The following SVEP1 variants were observed in gnomAD, a reference collection of about 807,000 sequenced individuals.
SVEP1 encodes the protein sushi, von Willebrand factor type A, EGF and pentraxin domain-containing protein 1.
A neutral mutation model predicts 367.3 loss-of-function variants in SVEP1; 164 were observed. The observed-to-expected ratio is 0.45, with a 90% confidence interval of 0.39 to 0.51. SVEP1 has a LOEUF of 0.51. Among genes scored for constraint, SVEP1 ranks in the 20% least tolerant of loss-of-function variants. SVEP1 has a pLI of 0.00. For missense variants in SVEP1, 4,117 were observed against 4,425.3 expected, an observed-to-expected ratio of 0.93 and a Z score of 1.98; for synonymous variants, 1,666 against 1,611.6, an observed-to-expected ratio of 1.03 and a Z score of -0.81.
intron 5 of SVEP1, among the ~76,000 whole-genome samples, chr9:110,508,292 ATT>A (rs34094977): frequency 8.0e-5 from 12 of 149,648 alleles, no homozygotes; most frequent in Non-Finnish European, 1.2e-4. Context: ...GACTAATCAG[ATT>A]TTTTTTTTTC....
chr9:110,542,973 AAT>A (rs1165167902), intron 3 of SVEP1, among the ~76,000 whole-genome samples: 9 of 147,260 alleles, frequency 6.1e-5, no homozygotes, highest in South Asian at 2.1e-4. Context: ...ATTAAAAAAA[AAT>A]ATATATATAT....
At chr9:110,404,187 C>T (rs1324907401) in intron 39 of SVEP1, 140 bp downstream of exon 39, 5 of 783,452 alleles carry the variant, frequency 6.4e-6, no homozygotes, top group Middle Eastern at 4.0e-4. Context: ...TATTTTCTAC[C>T]AAGAAACTTT....
At chr9:110,459,225 C>G in intron 18 of SVEP1, 112 bp from the exon 19 acceptor site, 4 of 994,194 alleles carry the variant, frequency 4.0e-6, no homozygotes, top group Non-Finnish European at 5.8e-6. Context: ...TATATAATCT[C>G]TTCCATATAT....
At chr9:110,372,019 G>GTGA (rs1341703519) in intron 46 of SVEP1, among the ~76,000 whole-genome samples, 2 of 152,162 alleles carry the variant, frequency 1.3e-5, no homozygotes, top group Non-Finnish European at 2.9e-5. Flanking sequence ...CACTTCGCAT[G>GTGA]TGATGTGTTT....
rs1022600263 is a variant in SVEP1, at chr9:110,546,357, A to G, written c.788-66T>C. 2.0e-6 allele frequency: 3 copies of G among 1,492,578 alleles called. No individual in the cohort carries two copies. The Admixed American group carries it at 6.4e-5, about 32-fold the overall frequency. The allele number at this position is 1,492,578 out of a possible 1,614,324, so 92.5% of individuals were successfully genotyped here. On this transcript the variant is annotated intron_variant, in intron 2 of 47. Coordinates refer to ENST00000374469, the MANE Select transcript of SVEP1 (RefSeq NM_153366.4). ...CAGTTCAATGTTACATTCTCTGGTC[A>G]TTAAAATTTAAGTGCAAGCTGGAGA... is the stretch of plus-strand genomic sequence containing the variant.
chr9:110,522,487 G>A (rs1426032647), intron 3 of SVEP1, among the ~76,000 whole-genome samples: 2 of 152,122 alleles, frequency 1.3e-5, no homozygotes, highest in African/African-American at 4.8e-5. Flanking sequence ...TCAGCAAAGA[G>A]GCACTCAAGG....
At position 110,550,033 on chromosome 9, in the gene SVEP1, C is replaced by T; in HGVS notation, c.603G>A (p.Gly201=). The change falls in exon 2 of 48, where the codon GGG becomes GGA. Residue 201 remains glycine, a synonymous_variant. Coordinates refer to ENST00000374469, the MANE Select transcript of SVEP1 (RefSeq NM_153366.4). ...ACGCTGCAATTGGTCTAGGGTCTCCCCCATTGGAATATCCATCAGTGATGA... is the reference window on the plus strand; with the variant it reads ...ACGCTGCAATTGGTCTAGGGTCTCCTCCATTGGAATATCCATCAGTGATGA... ...VFLITDGYSN[G]GDPRPIAASL... is the part of the protein sequence containing the mutation. 1.2e-6 allele frequency: 2 copies of T among 1,613,984 alleles called. No homozygotes were observed. Among genetic ancestry groups the T allele is most frequent in the Non-Finnish European group, 1.7e-6 (2 of 1,179,874 alleles).
chr9:110,499,292 C>A, intron 6 of SVEP1, 54 bp from the exon 7 acceptor site: 1 of 1,516,004 alleles, frequency 6.6e-7, no homozygotes, highest in Non-Finnish European at 9.0e-7. Flanking sequence ...ATTGGAAATG[C>A]CATGGATTCT....
At position 110,408,320 on chromosome 9, in the gene SVEP1, G is replaced by T. The variant is rs1363908177; in HGVS notation, c.7280C>A (p.Thr2427Asn). The T allele has an allele frequency of 6.2e-6, 10 of 1,613,948 alleles. No homozygotes were observed. The highest frequency in any genetic ancestry group is 8.5e-6 in the Non-Finnish European group (10 of 1,179,882). The change falls in exon 38 of 48, where the codon ACC becomes AAC. Residue 2427 changes from threonine to asparagine, a missense_variant. By Grantham distance (65) the Thr-to-Asn change is moderately conservative. This residue lies in a region of SVEP1 where 1,765 missense variants were observed against 1,781.1 expected (regional missense o/e 0.99). Coordinates refer to ENST00000374469, the MANE Select transcript of SVEP1 (RefSeq NM_153366.4). ...ACATTCTGGCAGTGGAGAGCTCCAGGTGCCATCAGGTTGGCAGAGGGTGGT... is the reference window on the plus strand; with the variant it reads ...ACATTCTGGCAGTGGAGAGCTCCAGTTGCCATCAGGTTGGCAGAGGGTGGT... ...NSTTLCQPDG[T>N]WSSPLPECVP...
intron 14 of SVEP1, among the ~76,000 whole-genome samples, chr9:110,474,263 G>A (rs1481718752): frequency 6.6e-6 from 1 of 152,088 alleles, no homozygotes; most frequent in Non-Finnish European, 1.5e-5. Flanking sequence ...GCCTCCCAAC[G>A]TGCTGGGATT....
rs760643827 is a variant in SVEP1 at position 110,379,532 on chromosome 9, A to C, written c.10238-15T>G. ...ACATGAGATTTCTACAGGATAACAA[A>C]ACAACAATTAAGCTTGTGCTATTAA... On this transcript the variant is annotated splice_polypyrimidine_tract_variant and intron_variant, in intron 43 of 47. Transcript: ENST00000374469. 2.5e-6 allele frequency: 4 copies of C among 1,612,980 alleles called. No homozygotes were observed. In the East Asian group the frequency reaches 6.7e-5, roughly 27 times the overall value.
chr9:110,559,486 T>C (rs1182542646), intron 1 of SVEP1, among the ~76,000 whole-genome samples: 1 of 152,094 alleles, frequency 6.6e-6, no homozygotes, highest in Admixed American at 6.6e-5. Flanking sequence ...ACTTCATTAA[T>C]ACCAAAATAG....
intron 46 of SVEP1, 32 bp from the exon 47 acceptor site, chr9:110,370,048 T>G (rs1346777522): frequency 6.3e-7 from 1 of 1,585,698 alleles, no homozygotes; most frequent in Admixed American, 1.7e-5. Flanking sequence ...TTTATTTAAT[T>G]AATACTTAGC....
At chr9:110,417,228 C>A (rs1828138829) in intron 36 of SVEP1, among the ~76,000 whole-genome samples, 1 of 146,586 alleles carries the variant, frequency 6.8e-6, no homozygotes, top group African/African-American at 2.6e-5. Flanking sequence ...CTAGGGAGTG[C>A]CAGACGGTGG....
At chr9:110,464,237 G>A (rs1828903021) in intron 18 of SVEP1, among the ~76,000 whole-genome samples, 1 of 152,086 alleles carries the variant, frequency 6.6e-6, no homozygotes, top group Non-Finnish European at 1.5e-5. Context: ...ATCCAAAGCT[G>A]GTATTATCCA....
chr9:110,388,104 T>TGTAAG (rs1474409215), intron 41 of SVEP1, among the ~76,000 whole-genome samples: 1 of 152,072 alleles, frequency 6.6e-6, no homozygotes, highest in Non-Finnish European at 1.5e-5. Context: ...TCATACTGCT[T>TGTAAG]GTAAGAAGAG....
rs188397918 is a variant in SVEP1, at chr9:110,568,824, G to C, written c.531+10189C>G. Among the ~76,000 whole-genome samples the C allele has an allele frequency of 2.3e-3, 354 of 152,318 alleles. 2 individuals are homozygous for C. Among genetic ancestry groups the C allele is most frequent in the African/African-American group, 7.8e-3 (323 of 41,570 alleles). ...CTTTGAAATTAGAAAGACAGGCCAG[G>C]AGTGATGGCTCATGCCTATAATCCC... is the stretch of plus-strand genomic sequence containing the variant. On this transcript the variant is annotated intron_variant, in intron 1 of 47. Coordinates refer to ENST00000374469, the MANE Select transcript of SVEP1 (RefSeq NM_153366.4).
intron 10 of SVEP1, 24 bp downstream of exon 10, chr9:110,483,545 TCATTGCTACTATGCTGA>T (rs755796942): frequency 6.9e-7 from 1 of 1,443,274 alleles, no homozygotes; most frequent in African/African-American, 1.4e-5. Context: ...AAAAAAGAAT[TCATTGCTACTATGCTGA>T]CAACAAAGTC....
chr9:110,529,628 G>A (rs898922735), intron 3 of SVEP1, among the ~76,000 whole-genome samples: 6 of 151,246 alleles, frequency 4.0e-5, no homozygotes, highest in African/African-American at 1.5e-4. Context: ...TGTTACTATT[G>A]TAAAAGAGAT....
Sources: gnomAD v4.1 joint callset for allele counts (sites outside exome capture counted in the v4.1 genomes callset) on GRCh38, gnomAD v4.1.1 for gene constraint, gnomAD v4.1.1 regional missense constraint, MANE v1.5 for transcripts, NCBI Gene and HGNC (gene_info 2026-07-23, HGNC 2026-07-21) for gene names.